SEZ6: variants seen among roughly 807,000 people sequenced by gnomAD.
The protein encoded by SEZ6 is seizure protein 6 homolog.
SEZ6 carries 53 observed loss-of-function variants against 101.0 expected under a neutral mutation model. The observed-to-expected ratio is 0.52, with a 90% confidence interval of 0.42 to 0.66. The LOEUF (loss-of-function observed/expected upper bound fraction) is 0.66, where lower values mean the gene tolerates loss of function less well. Among genes scored for constraint, SEZ6 ranks in the 30% least tolerant of loss-of-function variants. The probability of loss-of-function intolerance (pLI) is 0.00; values close to 1 mark genes in which losing one functional copy is unlikely to be tolerated. For synonymous variants in SEZ6, 488 were observed against 512.2 expected, an observed-to-expected ratio of 0.95 and a Z score of 0.64; for missense variants, 1,102 against 1,289.4, an observed-to-expected ratio of 0.85 and a Z score of 2.23.
intron 1 of SEZ6, among the ~76,000 whole-genome samples, chr17:28,990,451 G>C (rs2041441204): frequency 6.6e-6 from 1 of 152,038 alleles, no homozygotes; most frequent in Admixed American, 6.6e-5. Flanking sequence ...TTTTAGTAGA[G>C]ATGGGGTTTC....
At position 29,005,881 on chromosome 17, in the gene SEZ6, C is replaced by T. The variant is rs992901328; in HGVS notation, c.-12G>A. On this transcript the variant is annotated 5_prime_UTR_variant, in exon 1 of 17. Coordinates refer to ENST00000317338, the MANE Select transcript of SEZ6 (RefSeq NM_178860.5). The surrounding 1 kb of genome is among the most constrained non-coding windows in gnomAD (Gnocchi z 4.8). Reference sequence around the variant, plus strand: ...GCTACCGGGCGCATGGTGCTGGTTGCGGCCGCGCCCTGGGCTGGGACCGCG... The same window carrying T: ...GCTACCGGGCGCATGGTGCTGGTTGTGGCCGCGCCCTGGGCTGGGACCGCG... 2 of 1,447,944 alleles carry T rather than the reference C, an allele frequency of 1.4e-6. No individual in the cohort carries two copies. Among genetic ancestry groups the T allele is most frequent in the African/African-American group, 3.0e-5 (2 of 67,360 alleles). The allele number at this position is 1,447,944 out of a possible 1,614,324, so 89.7% of individuals were successfully genotyped here.
chr17:28,979,791 T>C lies in SEZ6; in HGVS notation c.747A>G (p.Ser249=). ...QTPGPCSWNF[S]GPEGSLDSPT... ...GGGAGTCCAGAGAGCCCTCTGGGCC[T>C]GAGAAATTCCAGCTACAAGGGCCTG... The change falls in exon 3 of 17, where the codon TCA becomes TCG. Residue 249 remains serine, a synonymous_variant. Coordinates refer to ENST00000317338, the MANE Select transcript of SEZ6 (RefSeq NM_178860.5). 1 of 1,610,462 alleles carries C rather than the reference T, an allele frequency of 6.2e-7. No individual in the cohort carries two copies. Among genetic ancestry groups the C allele is most frequent in the Non-Finnish European group, 8.5e-7 (1 of 1,178,268 alleles).
chr17:28,958,184 C>T lies in SEZ6; in HGVS notation c.2108-43G>A, dbSNP rs1488023725. The stretch of plus-strand genomic sequence containing the variant: ...CAAGATGCAGGCCCTCGGCCAGCAC[C>T]AAAGTGACTGTCCCCCTCACCTTGA... On this transcript the variant is annotated intron_variant, in intron 10 of 16. Transcript: ENST00000317338. The T allele has an allele frequency of 1.0e-5, 16 of 1,551,042 alleles. No homozygotes were observed. In the Admixed American group the frequency reaches 1.4e-4, roughly 14 times the overall value.
At chr17:28,980,372 ATTT>A (rs377432862) in intron 2 of SEZ6, among the ~76,000 whole-genome samples, 2 of 134,836 alleles carry the variant, frequency 1.5e-5, no homozygotes, top group South Asian at 2.3e-4. Context: ...ATGCCTGGCT[ATTT>A]TTTTTTTTTT....
intron 10 of SEZ6, 129 bp from the exon 11 acceptor site, chr17:28,958,270 T>C (rs1280518616): frequency 9.5e-7 from 1 of 1,049,794 alleles, no homozygotes; most frequent in Non-Finnish European, 1.3e-6. Context: ...GGCTCAGGGA[T>C]CCATTCCTCC....
At chr17:28,972,292 A>C (rs544314514) in intron 3 of SEZ6, among the ~76,000 whole-genome samples, 3 of 152,262 alleles carry the variant, frequency 2.0e-5, no homozygotes, top group Admixed American at 6.5e-5. Context: ...ACGTGTGGAA[A>C]GAGTAAATGT....
chr17:28,968,368 C>G (rs998889179), intron 4 of SEZ6, among the ~76,000 whole-genome samples: 1 of 152,226 alleles, frequency 6.6e-6, no homozygotes, highest in African/African-American at 2.4e-5. Context: ...GGAGGTTGCT[C>G]CCCCTTGCTG....
chr17:28,963,840 A>G, intron 5 of SEZ6, 122 bp downstream of exon 5: 2 of 1,174,248 alleles, frequency 1.7e-6, no homozygotes, highest in Middle Eastern at 2.7e-4. Flanking sequence ...ACTGAGGTGC[A>G]TGGCCATTTT....
Position 28,981,371 on chromosome 17 carries a change from C to G in SEZ6, c.724G>C (p.Gly242Arg). The G allele has an allele frequency of 6.5e-7, 1 of 1,541,988 alleles. No homozygotes were observed. Among genetic ancestry groups the G allele is most frequent in the Non-Finnish European group, 8.8e-7 (1 of 1,140,036 alleles). Residue 242 changes from glycine (G) to arginine (R), a missense_variant and splice_region_variant, in exon 2 of 17, where the codon GGC (glycine) becomes CGC (arginine). Transcript: ENST00000317338. The part of the protein sequence containing the change: ...TTTITTVQTP[G>R]PCSWNFSGPE... ...ATCTGCAAGCCAGCAGGTAGCTGAC[C>G]TGGTGTCTGGACTGTGGTGATGGTG...
In SEZ6 at chr17:28,956,174, T is replaced by A; in HGVS notation, c.2937A>T (p.Pro979=). The part of the protein sequence containing the change: ...RITIESAFDN[P]TYETGSLSFA... ...GGTTACTTACTCCAGTCTCGTAAGT[T>A]GGATTGTCAAACGCTGACTCTATGG... Residue 979 remains proline (P), a synonymous_variant, in exon 16 of 17, where the codon CCA becomes CCT. Transcript: ENST00000317338. 1.4e-6 allele frequency: 2 copies of A among 1,412,652 alleles called. No homozygotes were observed. The highest frequency in any genetic ancestry group is 1.9e-6 in the Non-Finnish European group (2 of 1,063,320). The allele number at this position is 1,412,652 out of a possible 1,614,324, so 87.5% of individuals were successfully genotyped here. A position where few individuals can be genotyped will look rare whatever the true frequency, so the allele number is the denominator to read the frequency against.
At chr17:28,956,964 T>C (rs2040888885) in intron 13 of SEZ6, 81 bp downstream of exon 13, 2 of 1,451,914 alleles carry the variant, frequency 1.4e-6, no homozygotes, top group Non-Finnish European at 1.9e-6. Context: ...GGGCAGGTGG[T>C]TCTGGTTCTA....
Position 28,959,506 on chromosome 17 carries a change from C to T in SEZ6, c.1772-34G>A. 6.2e-7 allele frequency: 1 copy of T among 1,604,382 alleles called. No individual in the cohort carries two copies. The highest frequency in any genetic ancestry group is 8.5e-7 in the Non-Finnish European group (1 of 1,176,714). ...CAGAGGAGGCCCAGAAGGGTCTTTT[C>T]AAGCTTACCATGGTGTTGCTTACCA... On this transcript the variant is annotated intron_variant, in intron 8 of 16. Transcript: ENST00000317338. This position sits in a 1 kb window ranked among gnomAD's most constrained non-coding sequence, Gnocchi z 4.4.
rs74610354 is a variant in SEZ6, at chr17:28,984,691, A to G, written c.56-2652T>C. Among the ~76,000 whole-genome samples the G allele has an allele frequency of 5.2e-3, 793 of 152,340 alleles. 13 individuals carry two copies. Among genetic ancestry groups the G allele is most frequent in the African/African-American group, 0.018 (754 of 41,566 alleles). ...GTCCCAGCGGGTGCCACCCACTGTCATAGAGGGTAAGATAACCTCTGGGAG... is the reference window on the plus strand; with the variant it reads ...GTCCCAGCGGGTGCCACCCACTGTCGTAGAGGGTAAGATAACCTCTGGGAG... On this transcript the variant is annotated intron_variant, in intron 1 of 16. Transcript: ENST00000317338.
At chr17:28,958,283 G>T in intron 10 of SEZ6, 142 bp from the exon 11 acceptor site, 1 of 891,584 alleles carries the variant, frequency 1.1e-6, no homozygotes, top group Non-Finnish European at 1.6e-6. Context: ...ATTCCTCCCT[G>T]CTCAAGGGCC....
chr17:28,955,635 TA>T lies in SEZ6; in HGVS notation c.*326del. The T allele has an allele frequency of 1.7e-6, 1 of 575,696 alleles. No homozygotes were observed. The highest frequency in any genetic ancestry group is 3.3e-6 in the Non-Finnish European group (1 of 303,718). The allele number at this position is 575,696 out of a possible 1,614,324, so 35.7% of individuals were successfully genotyped here. On this transcript the variant is annotated 3_prime_UTR_variant, in exon 17 of 17. Coordinates refer to ENST00000317338, the MANE Select transcript of SEZ6 (RefSeq NM_178860.5). ...GTGGAGAAAGGTACTCCTGCTCTGCTAGTGTGTTCCAGGCTGGTCCAGGGCA... is the reference window on the plus strand; with the variant it reads ...GTGGAGAAAGGTACTCCTGCTCTGCTGTGTGTTCCAGGCTGGTCCAGGGCA...
chr17:29,001,151 A>G (rs756905332), intron 1 of SEZ6, among the ~76,000 whole-genome samples: 4 of 152,304 alleles, frequency 2.6e-5, no homozygotes, highest in East Asian at 1.9e-4. Context: ...CTAACATACA[A>G]TCTATGTAAA....
At position 28,969,761 on chromosome 17, in the gene SEZ6, G is replaced by A; in HGVS notation, c.1050C>T (p.Tyr350=). ...CTTCAACTACCCAGGCCTTACCTTG[G>A]TAATGGAAATGGAAGGTGCCAGGGC... The part of the protein sequence containing the change: ...PAGPGTFHFH[Y]QAYLLSCHFP... Residue 350 remains tyrosine, a synonymous_variant, in exon 4 of 17, where the codon TAC becomes TAT. Coordinates refer to ENST00000317338, the MANE Select transcript of SEZ6 (RefSeq NM_178860.5). 1.3e-6 allele frequency: 2 copies of A among 1,492,328 alleles called. No homozygotes were observed. Among genetic ancestry groups the A allele is most frequent in the Non-Finnish European group, 1.8e-6 (2 of 1,128,448 alleles). The allele number at this position is 1,492,328 out of a possible 1,614,324, so 92.4% of individuals were successfully genotyped here. A position where few individuals can be genotyped will look rare whatever the true frequency, so the allele number is the denominator to read the frequency against.
intron 3 of SEZ6, among the ~76,000 whole-genome samples, chr17:28,971,593 CA>C (rs1451566552): frequency 1.1e-4 from 16 of 149,244 alleles, no homozygotes; most frequent in African/African-American, 3.7e-4. Context: ...AACTCCATTT[CA>C]AAACAAAAAA....
chr17:28,961,038 T>A (rs1449329096), intron 5 of SEZ6, 65 bp from the exon 6 acceptor site: 4 of 1,548,200 alleles, frequency 2.6e-6, no homozygotes, highest in Non-Finnish European at 3.5e-6. Flanking sequence ...TAACATGCCT[T>A]CCTCCCTATC....
Sources: gnomAD v4.1 joint callset for allele counts (sites outside exome capture counted in the v4.1 genomes callset) on GRCh38, gnomAD v4.1.1 for gene constraint, Gnocchi (gnomAD v3.1) non-coding constraint, MANE v1.5 for transcripts, NCBI Gene and HGNC (gene_info 2026-07-23, HGNC 2026-07-21) for gene names.